Variants in EDIL3 observed in about 807,000 individuals in gnomAD.
EDIL3 encodes EGF-like repeat and discoidin I-like domain-containing protein 3.
Under a neutral mutation model 67.4 loss-of-function variants are expected in EDIL3, and 37 were observed. That is an observed-to-expected ratio of 0.55 (90% CI 0.42 to 0.72). The LOEUF (loss-of-function observed/expected upper bound fraction) is 0.72, where lower values mean the gene tolerates loss of function less well. Among genes scored for constraint, EDIL3 ranks in the 30% least tolerant of loss-of-function variants. The probability of loss-of-function intolerance (pLI) is 0.00; values close to 1 mark genes in which losing one functional copy is unlikely to be tolerated. For synonymous variants in EDIL3, 195 were observed against 196.3 expected, an observed-to-expected ratio of 0.99 and a Z score of 0.05; for missense variants, 527 against 586.3, an observed-to-expected ratio of 0.90 and a Z score of 1.04.
chr5:84,035,554 C>T (rs760287210), intron 9 of EDIL3, among the ~76,000 whole-genome samples: 20 of 152,090 alleles, frequency 1.3e-4, no homozygotes, highest in Non-Finnish European at 2.6e-4. Context: ...TTTCATTTTA[C>T]TATTATGCAA....
chr5:84,333,689 A>G (rs1300454631), intron 1 of EDIL3, among the ~76,000 whole-genome samples: 1 of 152,214 alleles, frequency 6.6e-6, no homozygotes, highest in Non-Finnish European at 1.5e-5. Context: ...GTAGAATAAT[A>G]ATATCCATAA....
chr5:84,193,857 T>C (rs1228205260), intron 3 of EDIL3, among the ~76,000 whole-genome samples: 2 of 152,086 alleles, frequency 1.3e-5, no homozygotes, highest in East Asian at 3.9e-4. Context: ...ACCCAACAGA[T>C]ACTTGCTGAA....
chr5:84,073,180 A>G (rs1474807008), intron 6 of EDIL3, among the ~76,000 whole-genome samples: 1 of 152,178 alleles, frequency 6.6e-6, no homozygotes, highest in Non-Finnish European at 1.5e-5. Context: ...TAAATTAGGT[A>G]TTGATGGGAC....
At chr5:84,018,748 G>A (rs1745652692) in intron 9 of EDIL3, among the ~76,000 whole-genome samples, 1 of 151,808 alleles carries the variant, frequency 6.6e-6, no homozygotes, top group African/African-American at 2.4e-5. Flanking sequence ...ATCCCCAAAG[G>A]GCAACAATAA....
intron 8 of EDIL3, among the ~76,000 whole-genome samples, chr5:84,063,950 G>A (rs929893753): frequency 2.0e-5 from 3 of 152,068 alleles, no homozygotes; most frequent in Non-Finnish European, 4.4e-5. Context: ...GAAATGCCTA[G>A]ATACAATTTT....
chr5:84,362,718 CAT>C (rs1747634306), intron 1 of EDIL3, among the ~76,000 whole-genome samples: 1 of 152,082 alleles, frequency 6.6e-6, no homozygotes, highest in African/African-American at 2.4e-5. Context: ...TAATTTATAA[CAT>C]ATTCTCAATT....
chr5:84,349,390 G>T (rs1014824306), intron 1 of EDIL3, among the ~76,000 whole-genome samples: 1 of 152,118 alleles, frequency 6.6e-6, no homozygotes, highest in African/African-American at 2.4e-5. Flanking sequence ...AGTATTAATA[G>T]ATCAACCAGC....
At chr5:84,332,324 A>G (rs1051005797) in intron 1 of EDIL3, among the ~76,000 whole-genome samples, 1 of 152,206 alleles carries the variant, frequency 6.6e-6, no homozygotes, top group African/African-American at 2.4e-5. Context: ...GTGAGCTATG[A>G]TAGTGCCACT....
At chr5:84,306,567 G>A (rs1224758914) in intron 1 of EDIL3, among the ~76,000 whole-genome samples, 1 of 152,174 alleles carries the variant, frequency 6.6e-6, no homozygotes, top group East Asian at 1.9e-4. Flanking sequence ...ATACTGTTCA[G>A]ATGGTATCAG....
intron 2 of EDIL3, among the ~76,000 whole-genome samples, chr5:84,250,514 C>T (rs1223300389): frequency 1.3e-5 from 2 of 152,150 alleles, no homozygotes; most frequent in Non-Finnish European, 2.9e-5. Flanking sequence ...GCTTATCTGA[C>T]ATTATATGCT....
At chr5:84,094,660 T>C (rs1200924349) in intron 6 of EDIL3, among the ~76,000 whole-genome samples, 1 of 152,204 alleles carries the variant, frequency 6.6e-6, no homozygotes, top group Non-Finnish European at 1.5e-5. Flanking sequence ...AGTTCTTTTT[T>C]TGTAGCATTC....
intron 6 of EDIL3, among the ~76,000 whole-genome samples, chr5:84,092,163 G>A (rs953142945): frequency 1.3e-5 from 2 of 152,176 alleles, no homozygotes; most frequent in Non-Finnish European, 2.9e-5. Flanking sequence ...GACTGAGGTA[G>A]ATTGTAAAAC....
At chr5:84,373,065 T>C (rs1009804722) in intron 1 of EDIL3, among the ~76,000 whole-genome samples, 35 of 152,144 alleles carry the variant, frequency 2.3e-4, no homozygotes, top group Admixed American at 2.3e-3. Context: ...CTCCAGGCCA[T>C]GTCCAGAACA....
chr5:84,371,518 A>G (rs908078020), intron 1 of EDIL3, among the ~76,000 whole-genome samples: 1 of 149,326 alleles, frequency 6.7e-6, no homozygotes, highest in Admixed American at 6.7e-5. Flanking sequence ...GAAGATCATG[A>G]ATACTTAAAG....
intron 6 of EDIL3, among the ~76,000 whole-genome samples, chr5:84,088,069 A>G (rs2112265088): frequency 6.6e-6 from 1 of 152,286 alleles, no homozygotes; most frequent in Admixed American, 6.5e-5. Context: ...TTTCTCTCTG[A>G]AATGTCCACA....
At chr5:84,324,044 C>T (rs1746699792) in intron 1 of EDIL3, among the ~76,000 whole-genome samples, 1 of 151,788 alleles carries the variant, frequency 6.6e-6, no homozygotes, top group African/African-American at 2.4e-5. Context: ...ACTTAATCAA[C>T]AGAATACACC....
chr5:84,290,266 G>C (rs1272235759), intron 1 of EDIL3, among the ~76,000 whole-genome samples: 2 of 152,126 alleles, frequency 1.3e-5, no homozygotes, highest in East Asian at 3.9e-4. Context: ...GCTAGCTTCA[G>C]AGCTCCCCAT....
At chr5:84,151,489 A>G (rs1748390889) in intron 4 of EDIL3, among the ~76,000 whole-genome samples, 1 of 152,216 alleles carries the variant, frequency 6.6e-6, no homozygotes, top group African/African-American at 2.4e-5. Flanking sequence ...GAGGAGCTGT[A>G]TTCATAAAGA....
chr5:84,163,144 T>C (rs1400622811), intron 4 of EDIL3, among the ~76,000 whole-genome samples: 2 of 152,110 alleles, frequency 1.3e-5, no homozygotes, highest in African/African-American at 2.4e-5. Context: ...AGAGTGACTC[T>C]ACTTTTAGAT....
Sources: allele counts gnomAD v4.1 joint callset (sites outside exome capture counted in the v4.1 genomes callset), GRCh38; gene constraint gnomAD v4.1.1; transcripts MANE v1.5; gene names NCBI Gene and HGNC (gene_info 2026-07-23, HGNC 2026-07-21).